The following ZSWIM6 variants were observed in gnomAD, a reference collection of about 807,000 sequenced individuals.
ZSWIM6 encodes zinc finger SWIM domain-containing protein 6.
Under a neutral mutation model 113.2 loss-of-function variants are expected in ZSWIM6, and 9 were observed. The ratio of observed to expected loss-of-function variants is 0.08; its 90% CI spans 0.05 to 0.14. ZSWIM6 has a LOEUF of 0.14. ZSWIM6 is among the 10% of genes least tolerant of loss of function. ZSWIM6 has a pLI of 1.00. For missense variants in ZSWIM6, 1,162 were observed against 1,552.2 expected (o/e 0.75, Z 4.22); for synonymous variants, 611 against 606.5 (o/e 1.01, Z -0.11).
chr5:61,506,598 T>C (rs1580050162), intron 4 of ZSWIM6, among the ~76,000 whole-genome samples: 1 of 152,142 alleles, frequency 6.6e-6, no homozygotes, highest in East Asian at 1.9e-4. Context: ...AAAAAGTTAT[T>C]TTCCAAACAT....
intron 4 of ZSWIM6, among the ~76,000 whole-genome samples, chr5:61,507,368 G>C (rs1266410274): frequency 6.6e-6 from 1 of 152,102 alleles, no homozygotes; most frequent in African/African-American, 2.4e-5. Context: ...GGTGTTGGGG[G>C]GTAGCAGTGA....
In ZSWIM6 at chr5:61,467,984, C is replaced by T. The variant is rs72761453; in HGVS notation, c.677-4697C>T. ...TGTTATGGGTGAAAGGGAATGTGTC[C>T]ACACCCCTCCCCTGTTTCTCCAGCT... is the stretch of plus-strand genomic sequence containing the variant. On this transcript the variant is annotated intron_variant, in intron 1 of 13. Transcript: ENST00000252744. 9.0e-3 allele frequency among the ~76,000 whole-genome samples: 1,369 copies of T among 152,192 alleles called. 11 individuals carry two copies. The highest frequency in any genetic ancestry group is 0.013 in the Admixed American group (201 of 15,284).
intron 1 of ZSWIM6, among the ~76,000 whole-genome samples, chr5:61,352,800 A>G (rs1156475108): frequency 6.6e-6 from 1 of 152,248 alleles, no homozygotes; most frequent in Non-Finnish European, 1.5e-5. Flanking sequence ...GGGAAAAACC[A>G]AACAGTCCTG....
At chr5:61,428,539 AT>A (rs11429841) in intron 1 of ZSWIM6, among the ~76,000 whole-genome samples, 94 of 147,410 alleles carry the variant, frequency 6.4e-4, no homozygotes, top group East Asian at 8.0e-4. Flanking sequence ...ACTTAAAACA[AT>A]TTTTTTTTTT....
chr5:61,332,339 GGCGGC>G lies in ZSWIM6; in HGVS notation c.69_73del (p.Gly25GlnfsTer73). ...TTGCTGCCGGCCGGGCGGCGGCGGC[GGCGGC>G]GGGGGCAGCAGCGGCGGCGGCGGCG... On this transcript the variant is annotated frameshift_variant, in exon 1 of 14. Transcript: ENST00000252744. LOFTEE classifies it high-confidence loss of function. The G allele has an allele frequency of 9.4e-7, 1 of 1,065,982 alleles. No individual in the cohort carries two copies. The highest frequency in any genetic ancestry group is 1.2e-6 in the Non-Finnish European group (1 of 867,748). 66.0% of individuals were successfully genotyped at this position (1,065,982 alleles called of 1,614,324 possible). A position where few individuals can be genotyped will look rare whatever the true frequency, so the allele number is the denominator to read the frequency against.
At chr5:61,336,220 T>A (rs911794809) in intron 1 of ZSWIM6, among the ~76,000 whole-genome samples, 1 of 151,892 alleles carries the variant, frequency 6.6e-6, no homozygotes, top group Non-Finnish European at 1.5e-5. Context: ...GCTAAGATCG[T>A]ACCATTGCAC....
chr5:61,540,280 G>GGACATTTTGAGTTC (rs1423261522), intron 12 of ZSWIM6, among the ~76,000 whole-genome samples: 4 of 152,120 alleles, frequency 2.6e-5, no homozygotes, highest in African/African-American at 9.7e-5. Flanking sequence ...AGAATACCAA[G>GGACATTTTGAGTTC]GACATTTTGA....
chr5:61,398,292 A>T (rs1433092658), intron 1 of ZSWIM6, among the ~76,000 whole-genome samples: 1 of 152,122 alleles, frequency 6.6e-6, no homozygotes, highest in East Asian at 1.9e-4. Context: ...GGTGAACCTT[A>T]TTGTGAACTG....
intron 1 of ZSWIM6, among the ~76,000 whole-genome samples, chr5:61,356,635 A>G (rs1223565485): frequency 6.8e-6 from 1 of 146,050 alleles, no homozygotes; most frequent in African/African-American, 2.5e-5. Context: ...CTTTTATAGT[A>G]ATAAGCTGTC....
chr5:61,493,410 TTGG>T (rs1748232627), intron 3 of ZSWIM6, among the ~76,000 whole-genome samples: 1 of 152,174 alleles, frequency 6.6e-6, no homozygotes, highest in Admixed American at 6.6e-5. Flanking sequence ...ACGTTTTAAA[TTGG>T]TGAATTGTAT....
Position 61,349,905 on chromosome 5 carries a change from C to CA in ZSWIM6, c.676+16965dup, listed in dbSNP as rs201037245. ...AACTCTCCCTCTCACAGATGATATGCAAAAAAAACACATAACTTCAGAATA... is the reference window on the plus strand; with the variant it reads ...AACTCTCCCTCTCACAGATGATATGCAAAAAAAAACACATAACTTCAGAATA... On this transcript the variant is annotated intron_variant, in intron 1 of 13. Coordinates refer to ENST00000252744, the MANE Select transcript of ZSWIM6 (RefSeq NM_020928.2). Among the ~76,000 whole-genome samples the CA allele has an allele frequency of 3.4e-3, 521 of 151,464 alleles. 2 individuals carry two copies. The highest frequency in any genetic ancestry group is 0.011 in the African/African-American group (462 of 41,318).
chr5:61,332,919 G>A lies in ZSWIM6; in HGVS notation c.647G>A (p.Ser216Asn). 7.3e-7 allele frequency: 1 copy of A among 1,363,294 alleles called. No individual in the cohort carries two copies. The highest frequency in any genetic ancestry group is 9.6e-7 in the Non-Finnish European group (1 of 1,046,234). 84.4% of individuals were successfully genotyped at this position (1,363,294 alleles called of 1,614,324 possible). Residue 216 changes from serine (S) to asparagine (N), a missense_variant, in exon 1 of 14, where the codon AGC becomes AAC. Transcript: ENST00000252744. ...CGCCGGGGCATCGCGCTGTTGGAAA[G>A]CGGCTGCGTAGACAACGTCCTGCAA... is the stretch of plus-strand genomic sequence containing the variant. ...PFRRGIALLESGCVDNVLQVG... is the reference protein window; with the variant it reads ...PFRRGIALLENGCVDNVLQVG...
intron 2 of ZSWIM6, 101 bp downstream of exon 2, chr5:61,473,138 A>C: frequency 2.7e-6 from 2 of 742,352 alleles, no homozygotes; most frequent in South Asian, 5.0e-5. Flanking sequence ...GAAATAGATC[A>C]TCAGCATTGC....
chr5:61,474,233 G>A (rs1020770709), intron 2 of ZSWIM6, among the ~76,000 whole-genome samples: 11 of 152,212 alleles, frequency 7.2e-5, no homozygotes, highest in Admixed American at 2.6e-4. Flanking sequence ...TTGTGTAAAT[G>A]GAATAATACA....
intron 9 of ZSWIM6, among the ~76,000 whole-genome samples, chr5:61,533,440 T>C (rs1433607256): frequency 6.6e-6 from 1 of 152,184 alleles, no homozygotes; most frequent in Non-Finnish European, 1.5e-5. Context: ...CTGGCCACAA[T>C]ATTGGATAGA....
chr5:61,542,007 G>T, intron 13 of ZSWIM6, 42 bp downstream of exon 13: 1 of 1,508,210 alleles, frequency 6.6e-7, no homozygotes. Flanking sequence ...GGTGCCTCAT[G>T]GTAGGATTTA....
chr5:61,422,664 C>T (rs1381004076), intron 1 of ZSWIM6, among the ~76,000 whole-genome samples: 1 of 152,136 alleles, frequency 6.6e-6, no homozygotes, highest in African/African-American at 2.4e-5. Flanking sequence ...GTAGTGTGGA[C>T]ATTTTAACAA....
chr5:61,523,563 C>A (rs1051517174), intron 5 of ZSWIM6, among the ~76,000 whole-genome samples: 11 of 152,114 alleles, frequency 7.2e-5, no homozygotes, highest in Admixed American at 4.6e-4. Flanking sequence ...AAAATTCTTA[C>A]AAATATGTGT....
intron 1 of ZSWIM6, among the ~76,000 whole-genome samples, chr5:61,411,328 C>T (rs1345383428): frequency 6.6e-6 from 1 of 152,266 alleles, no homozygotes; most frequent in African/African-American, 2.4e-5. Flanking sequence ...AAGGTGAGCA[C>T]ATTTTGAGTT....
Sources: allele counts gnomAD v4.1 joint callset (sites outside exome capture counted in the v4.1 genomes callset), GRCh38; gene constraint gnomAD v4.1.1; transcripts MANE v1.5; gene names NCBI Gene and HGNC (gene_info 2026-07-23, HGNC 2026-07-21).